The following BANK1 variants were observed in gnomAD, a reference collection of about 807,000 sequenced individuals.
BANK1 encodes B cell scaffold protein with ankyrin repeats 1, also known as B-cell scaffold protein with ankyrin repeats.
A neutral mutation model predicts 94.5 loss-of-function variants in BANK1; 95 were observed. The observed-to-expected ratio is 1.00, with a 90% CI of 0.85 to 1.19. The LOEUF is 1.19. Ranked by LOEUF, BANK1 falls within the 50% of genes most tolerant of loss-of-function variation. The pLI is 0.00. For missense variants in BANK1, 987 were observed against 932.2 expected, an observed-to-expected ratio of 1.06 and a Z score of -0.77; for synonymous variants, 334 against 308.4, an observed-to-expected ratio of 1.08 and a Z score of -0.87.
Position 101,839,937 on chromosome 4 carries a change from A to ATTTTTTTTTT in BANK1, c.469+9771_469+9780dup, listed in dbSNP as rs70964197. On this transcript the variant is annotated intron_variant, in intron 2 of 16. Coordinates refer to ENST00000322953, the MANE Select transcript of BANK1 (RefSeq NM_017935.5). ...GCTACTATATAATTTCAAATATTTA[A>ATTTTTTTTTT]TTTTTTTTTTTTTTTTTTTTTTTTT... Among the ~76,000 whole-genome samples, 41 of 53,088 alleles carry ATTTTTTTTTT rather than the reference A, an allele frequency of 7.7e-4. 14 individuals are homozygous for ATTTTTTTTTT. Among genetic ancestry groups the ATTTTTTTTTT allele is most frequent in the East Asian group, 1.8e-3 (4 of 2,222 alleles). 34.8% of individuals were successfully genotyped at this position (53,088 alleles called of 152,430 possible).
chr4:101,931,346 C>T (rs1723334044), intron 7 of BANK1, among the ~76,000 whole-genome samples: 1 of 151,526 alleles, frequency 6.6e-6, no homozygotes, highest in Non-Finnish European at 1.5e-5. Flanking sequence ...CTGAATAGAA[C>T]ACAACTGGAA....
intron 7 of BANK1, among the ~76,000 whole-genome samples, chr4:101,977,678 T>C (rs183012132): frequency 1.3e-5 from 2 of 152,266 alleles, no homozygotes; most frequent in Admixed American, 1.3e-4. Flanking sequence ...CTTATATCAA[T>C]AAGATTACAT....
At chr4:101,914,268 T>A (rs1722756769) in intron 6 of BANK1, among the ~76,000 whole-genome samples, 1 of 152,006 alleles carries the variant, frequency 6.6e-6, no homozygotes, top group Admixed American at 6.6e-5. Flanking sequence ...CGGGAGAAGC[T>A]CTCATAAGTC....
Position 101,973,958 on chromosome 4 carries a change from A to T in BANK1, c.1207-47556A>T, listed in dbSNP as rs183987868. 6.5e-3 allele frequency among the ~76,000 whole-genome samples: 990 copies of T among 152,174 alleles called. 11 individuals carry two copies. Among genetic ancestry groups the T allele is most frequent in the African/African-American group, 0.022 (919 of 41,530 alleles). ...AAAAGTGATATTCCAATTATTATTAATCATTTAACACTGAAAGGTTTTAAC... is the reference window on the plus strand; with the variant it reads ...AAAAGTGATATTCCAATTATTATTATTCATTTAACACTGAAAGGTTTTAAC... On this transcript the variant is annotated intron_variant, in intron 7 of 16. Coordinates refer to ENST00000322953, the MANE Select transcript of BANK1 (RefSeq NM_017935.5).
chr4:102,070,059 G>C (rs573143860), intron 13 of BANK1, among the ~76,000 whole-genome samples: 12 of 152,286 alleles, frequency 7.9e-5, no homozygotes, highest in South Asian at 4.1e-4. Flanking sequence ...TGTCTCCTCA[G>C]AAGAAAGAAT....
Position 101,803,200 on chromosome 4 carries a change from C to T in BANK1, c.70+12250C>T, listed in dbSNP as rs17031656. Among the ~76,000 whole-genome samples the T allele has an allele frequency of 5.2e-3, 792 of 152,200 alleles. 13 individuals are homozygous for T. In the East Asian group the frequency reaches 0.061, roughly 12 times the overall value. ...CTAGTTCTTGAGAGAATGATTGTTT[C>T]AGGCAGAAATTGGTAGTACTGCTTT... On this transcript the variant is annotated intron_variant, in intron 1 of 16. Transcript: ENST00000322953.
intron 1 of BANK1, among the ~76,000 whole-genome samples, chr4:101,823,096 A>AT (rs35089501): frequency 0.079 from 11,956 of 152,020 alleles, 675 homozygotes; most frequent in Admixed American, 0.19. Context: ...CCTATTTGTC[A>AT]TTTTTTGTAT....
At chr4:102,055,078 T>C (rs1482539889) in intron 11 of BANK1, among the ~76,000 whole-genome samples, 1 of 152,092 alleles carries the variant, frequency 6.6e-6, no homozygotes, top group Non-Finnish European at 1.5e-5. Flanking sequence ...TTAATAAAAT[T>C]ATGTCAAGTG....
At chr4:101,830,420 C>T (rs1726572451) in intron 2 of BANK1, among the ~76,000 whole-genome samples, 1 of 152,058 alleles carries the variant, frequency 6.6e-6, no homozygotes, top group African/African-American at 2.4e-5. Context: ...ATTCCTTGTT[C>T]TAAACATGGC....
chr4:102,049,050 G>A (rs1727967254), intron 11 of BANK1, among the ~76,000 whole-genome samples: 1 of 152,184 alleles, frequency 6.6e-6, no homozygotes, highest in Admixed American at 6.5e-5. Flanking sequence ...GCATTTGCCA[G>A]TGTGTTTGGA....
intron 5 of BANK1, among the ~76,000 whole-genome samples, chr4:101,893,261 G>A (rs1394871529): frequency 6.6e-6 from 1 of 151,820 alleles, no homozygotes; most frequent in Non-Finnish European, 1.5e-5. Flanking sequence ...ATTCCTAGTG[G>A]GAACTCTTGC....
intron 4 of BANK1, among the ~76,000 whole-genome samples, chr4:101,865,666 G>A (rs1021275385): frequency 1.3e-5 from 2 of 152,078 alleles, no homozygotes; most frequent in African/African-American, 4.8e-5. Context: ...CCCTTGTAAA[G>A]TCACAACGAA....
chr4:101,844,323 GT>G (rs1049744411), intron 2 of BANK1, among the ~76,000 whole-genome samples: 1 of 152,190 alleles, frequency 6.6e-6, no homozygotes, highest in African/African-American at 2.4e-5. Context: ...GAAAAATGGG[GT>G]TAGGCACAAT....
intron 1 of BANK1, among the ~76,000 whole-genome samples, chr4:101,821,166 C>T (rs185596980): frequency 6.6e-6 from 1 of 152,298 alleles, no homozygotes; most frequent in Admixed American, 6.5e-5. Context: ...GACGATATCT[C>T]ATTGGGCTTT....
chr4:102,012,017 A>C (rs1470266581), intron 7 of BANK1, among the ~76,000 whole-genome samples: 1 of 152,166 alleles, frequency 6.6e-6, no homozygotes, highest in Non-Finnish European at 1.5e-5. Flanking sequence ...AAAATTATTC[A>C]TGAAGGATAT....
In BANK1 at chr4:101,986,855, GTA is replaced by G. The variant is rs769659546; in HGVS notation, c.1207-34649_1207-34648del. ...TATGTATATATATGTGTATATATAT[GTA>G]TATATATATGTGTGTATGTGTGTGT... On this transcript the variant is annotated intron_variant, in intron 7 of 16. Transcript: ENST00000322953. 4.9e-3 allele frequency among the ~76,000 whole-genome samples: 390 copies of G among 79,496 alleles called. 6 individuals are homozygous for G. Among genetic ancestry groups the G allele is most frequent in the Middle Eastern group, 7.0e-3 (1 of 142 alleles). The allele number at this position is 79,496 out of a possible 152,430, so 52.2% of individuals were successfully genotyped here.
chr4:101,822,364 A>G (rs1237427874), intron 1 of BANK1, among the ~76,000 whole-genome samples: 5 of 151,514 alleles, frequency 3.3e-5, no homozygotes, highest in Admixed American at 6.6e-5. Context: ...ACCTCAGAAA[A>G]AAAGAAAAAA....
intron 2 of BANK1, among the ~76,000 whole-genome samples, chr4:101,832,026 G>A (rs907047297): frequency 6.6e-6 from 1 of 152,154 alleles, no homozygotes; most frequent in East Asian, 1.9e-4. Flanking sequence ...CCCTTGGTTG[G>A]CTGAAGGTCA....
chr4:101,861,140 C>G (rs897986298), intron 3 of BANK1, among the ~76,000 whole-genome samples: 1 of 152,168 alleles, frequency 6.6e-6, no homozygotes, highest in African/African-American at 2.4e-5. Context: ...AAATAGGATC[C>G]TTTCCCGATG....
Sources: gnomAD v4.1 joint callset for allele counts (sites outside exome capture counted in the v4.1 genomes callset) on GRCh38, gnomAD v4.1.1 for gene constraint, MANE v1.5 for transcripts, NCBI Gene and HGNC (gene_info 2026-07-23, HGNC 2026-07-21) for gene names.